The following FAT3 variants were observed in gnomAD, a reference collection of about 807,000 sequenced individuals.
The protein encoded by FAT3 is protocadherin Fat 3.
FAT3 carries 95 observed loss-of-function variants against 310.2 expected under a neutral mutation model. The observed-to-expected ratio is 0.31, with a 90% CI of 0.26 to 0.36. FAT3 has a LOEUF of 0.36. Among genes scored for constraint, FAT3 ranks in the 10% least tolerant of loss-of-function variants. FAT3 has a pLI of 1.00. For synonymous variants in FAT3, 2,314 were observed against 2,192.9 expected (o/e 1.06, Z -1.54); for missense variants, 5,408 against 5,715.6 (o/e 0.95, Z 1.74).
Position 92,844,679 on chromosome 11 carries a change from G to T in FAT3, c.11312G>T (p.Arg3771Leu), listed in dbSNP as rs781486958. ...SHALMTYSTA[R>L]ISFVCPRFYR... is the part of the protein sequence containing the mutation. ...GCGCTCATGACCTACAGCACGGCTC[G>T]CATCAGCTTTGTGTGTCCGCGTTTC... The change falls in exon 19 of 28, where the codon CGC becomes CTC. Residue 3771 changes from arginine to leucine, a missense_variant. Physicochemically the swap from Arg to Leu is moderately radical, Grantham distance 102 (BLOSUM62 -2). This residue lies in a region of FAT3 where 4,588 missense variants were observed against 4,809.8 expected (regional missense o/e 0.95). Coordinates refer to ENST00000525166, the MANE Select transcript of FAT3 (RefSeq NM_001367949.2). 5 of 1,592,112 alleles carry T rather than the reference G, an allele frequency of 3.1e-6. No individual in the cohort carries two copies. The highest frequency in any genetic ancestry group is 1.1e-5 in the South Asian group (1 of 88,006).
chr11:92,764,785 A>T lies in FAT3; in HGVS notation c.3985-94A>T. The T allele has an allele frequency of 2.6e-6, 3 of 1,167,798 alleles. No individual in the cohort carries two copies. The Admixed American group carries it at 6.9e-5, about 27-fold the overall frequency. 72.3% of individuals were successfully genotyped at this position (1,167,798 alleles called of 1,614,324 possible). A position where few individuals can be genotyped will look rare whatever the true frequency, so the allele number is the denominator to read the frequency against. ...TCCCCTTGCTGACACTGTGTTGAAG[A>T]TGGACTCTTGGCCCAGCAACATGAG... On this transcript the variant is annotated intron_variant, in intron 5 of 27. Coordinates refer to ENST00000525166, the MANE Select transcript of FAT3 (RefSeq NM_001367949.2).
intron 1 of FAT3, among the ~76,000 whole-genome samples, chr11:92,243,845 A>T (rs926384492): frequency 6.6e-6 from 1 of 152,146 alleles, no homozygotes; most frequent in Non-Finnish European, 1.5e-5. Flanking sequence ...CAATGGAACC[A>T]ATCTTTATTA....
At chr11:92,806,672 A>C (rs7121972) in intron 12 of FAT3, among the ~76,000 whole-genome samples, 157 bp downstream of exon 12, 1 of 152,170 alleles carries the variant, frequency 6.6e-6, no homozygotes, top group Non-Finnish European at 1.5e-5. Flanking sequence ...TGTTTGCTGA[A>C]ATGAACTGAC....
At chr11:92,330,310 C>G (rs1024285736) in intron 1 of FAT3, among the ~76,000 whole-genome samples, 1 of 152,170 alleles carries the variant, frequency 6.6e-6, no homozygotes, top group Non-Finnish European at 1.5e-5. Flanking sequence ...GGAAGCTGCC[C>G]TATCCCCCTC....
chr11:92,591,355 G>T (rs1033232016), intron 3 of FAT3, among the ~76,000 whole-genome samples: 4 of 151,972 alleles, frequency 2.6e-5, no homozygotes, highest in Non-Finnish European at 4.4e-5. Flanking sequence ...TGGTTTCCTC[G>T]GTACAGTCCT....
intron 2 of FAT3, among the ~76,000 whole-genome samples, chr11:92,358,976 G>A (rs1948807331): frequency 6.6e-6 from 1 of 152,148 alleles, no homozygotes; most frequent in Non-Finnish European, 1.5e-5. Context: ...GGCTGACAAA[G>A]ATTACCCAAG....
intron 4 of FAT3, among the ~76,000 whole-genome samples, chr11:92,750,634 TTCTC>T (rs10558123): frequency 0.015 from 2,192 of 149,552 alleles, 55 homozygotes; most frequent in African/African-American, 0.047. Flanking sequence ...GATTTGGCTG[TTCTC>T]TCTCTCTCTC....
chr11:92,521,687 T>C (rs914952204), intron 2 of FAT3, among the ~76,000 whole-genome samples: 1 of 152,170 alleles, frequency 6.6e-6, no homozygotes, highest in African/African-American at 2.4e-5. Context: ...AGGCAGACAG[T>C]CTAGGGTTCT....
chr11:92,734,280 CAT>C (rs1945275561), intron 4 of FAT3, among the ~76,000 whole-genome samples: 1 of 152,176 alleles, frequency 6.6e-6, no homozygotes, highest in Non-Finnish European at 1.5e-5. Flanking sequence ...TGCGATACCA[CAT>C]GTTTGAGAAC....
chr11:92,491,445 C>A (rs539924872), intron 2 of FAT3, among the ~76,000 whole-genome samples: 4 of 152,096 alleles, frequency 2.6e-5, no homozygotes, highest in Non-Finnish European at 4.4e-5. Context: ...TGGGAAGAAT[C>A]AGGAAGGCTT....
intron 3 of FAT3, among the ~76,000 whole-genome samples, chr11:92,553,980 A>G (rs948185134): frequency 2.0e-5 from 3 of 151,658 alleles, no homozygotes; most frequent in Admixed American, 1.3e-4. Flanking sequence ...TAATGTTTGT[A>G]TCTTTAGTAG....
intron 2 of FAT3, among the ~76,000 whole-genome samples, chr11:92,432,897 C>T (rs1435915107): frequency 1.3e-5 from 2 of 152,194 alleles, no homozygotes; most frequent in East Asian, 3.9e-4. Flanking sequence ...AAGCCCCTAA[C>T]TGGGGCTGCT....
chr11:92,867,837 G>T (rs1159895410), intron 22 of FAT3, among the ~76,000 whole-genome samples: 1 of 152,132 alleles, frequency 6.6e-6, no homozygotes, highest in Non-Finnish European at 1.5e-5. Flanking sequence ...CAAATAAGCA[G>T]GCAATGAAGG....
chr11:92,711,881 A>G (rs1944533736), intron 4 of FAT3, among the ~76,000 whole-genome samples: 1 of 152,214 alleles, frequency 6.6e-6, no homozygotes, highest in Non-Finnish European at 1.5e-5. Context: ...GTCATTGAAG[A>G]CAAAATGATA....
At position 92,354,111 on chromosome 11, in the gene FAT3, A is replaced by G. The variant is rs1389731980; in HGVS notation, c.1999A>G (p.Ile667Val). The change falls in exon 2 of 28, where the codon ATT becomes GTT. Residue 667 changes from isoleucine to valine, a missense_variant. Physicochemically the swap from Ile to Val is conservative, Grantham distance 29. This residue lies in a region of FAT3 where 4,588 missense variants were observed against 4,809.8 expected (regional missense o/e 0.95). Coordinates refer to ENST00000525166, the MANE Select transcript of FAT3 (RefSeq NM_001367949.2). ...DGENLADPMS[I>V]NISVLHGKVS... Reference sequence around the variant, plus strand: ...AGAGAATCTTGCAGACCCCATGTCTATTAACATTTCAGTCCTACATGGGAA... The same window carrying G: ...AGAGAATCTTGCAGACCCCATGTCTGTTAACATTTCAGTCCTACATGGGAA... The G allele has an allele frequency of 1.1e-5, 18 of 1,613,724 alleles. No homozygotes were observed. Among genetic ancestry groups the G allele is most frequent in the Non-Finnish European group, 1.5e-5 (18 of 1,179,854 alleles).
At chr11:92,664,709 G>C (rs1942898311) in intron 3 of FAT3, among the ~76,000 whole-genome samples, 1 of 152,126 alleles carries the variant, frequency 6.6e-6, no homozygotes, top group Admixed American at 6.5e-5. Context: ...TTTGATACAT[G>C]CTTTCATCCC....
intron 3 of FAT3, among the ~76,000 whole-genome samples, chr11:92,668,362 T>C (rs990510601): frequency 1.3e-5 from 2 of 152,214 alleles, no homozygotes; most frequent in African/African-American, 4.8e-5. Context: ...GAATAAGACA[T>C]GGTCTTTACC....
chr11:92,644,190 A>C (rs561426161), intron 3 of FAT3, among the ~76,000 whole-genome samples: 3 of 152,346 alleles, frequency 2.0e-5, no homozygotes, highest in African/African-American at 7.2e-5. Flanking sequence ...CTGCATTGAC[A>C]TATAGCATCT....
At chr11:92,813,180 T>TTAG (rs1947727882) in intron 13 of FAT3, among the ~76,000 whole-genome samples, 1 of 152,206 alleles carries the variant, frequency 6.6e-6, no homozygotes, top group South Asian at 2.1e-4. Context: ...TATATCTTTA[T>TTAG]TAGCAGCATG....
Sources: gnomAD v4.1 joint callset for allele counts (sites outside exome capture counted in the v4.1 genomes callset) on GRCh38, gnomAD v4.1.1 for gene constraint, gnomAD v4.1.1 regional missense constraint, MANE v1.5 for transcripts, NCBI Gene and HGNC (gene_info 2026-07-23, HGNC 2026-07-21) for gene names.